The following NBAS variants were observed in gnomAD, a reference collection of about 807,000 sequenced individuals.
The protein encoded by NBAS is NAG/BC035112 fusion.
NBAS carries 219 observed loss-of-function variants against 302.5 expected under a neutral mutation model. The observed-to-expected ratio is 0.72, with a 90% confidence interval of 0.65 to 0.81. The LOEUF (loss-of-function observed/expected upper bound fraction) is 0.81. Among genes scored for constraint, NBAS ranks in the 30% least tolerant of loss-of-function variants. The probability of loss-of-function intolerance (pLI) is 0.00; values close to 1 mark genes in which losing one functional copy is unlikely to be tolerated. For synonymous variants in NBAS, 1,118 were observed against 1,021.6 expected, an observed-to-expected ratio of 1.09 and a Z score of -1.80; for missense variants, 2,932 against 2,841.6, an observed-to-expected ratio of 1.03 and a Z score of -0.72.
chr2:15,237,253 A>G (rs2147941138), intron 45 of NBAS, among the ~76,000 whole-genome samples: 1 of 152,252 alleles, frequency 6.6e-6, no homozygotes, highest in Admixed American at 6.5e-5. Flanking sequence ...ATAGAACAAA[A>G]TCTCTAAGGG....
At chr2:14,953,483 G>T in the NBAS span, among the ~76,000 whole-genome samples, 4 of 152,242 alleles carry the variant, frequency 2.6e-5, no homozygotes, top group Non-Finnish European at 2.9e-5. Context: ...AGTCACCCAA[G>T]GTGTCAACTG....
chr2:15,496,895 G>C (rs1258237996), intron 11 of NBAS, among the ~76,000 whole-genome samples: 2 of 152,120 alleles, frequency 1.3e-5, no homozygotes, highest in Non-Finnish European at 2.9e-5. Flanking sequence ...GAAAAATACA[G>C]AGTGCTCTAA....
At chr2:15,044,154 C>G in the NBAS span, among the ~76,000 whole-genome samples, 15 of 151,532 alleles carry the variant, frequency 9.9e-5, no homozygotes, top group Non-Finnish European at 2.2e-4. Flanking sequence ...CTTAAATATA[C>G]AATTTAGACA....
intron 35 of NBAS, among the ~76,000 whole-genome samples, chr2:15,341,529 T>C (rs1672852517): frequency 6.6e-6 from 1 of 152,122 alleles, no homozygotes; most frequent in African/African-American, 2.4e-5. Flanking sequence ...TGAATTTAAA[T>C]AGCAATTAAT....
chr2:15,348,598 C>T (rs1236721719), intron 35 of NBAS, among the ~76,000 whole-genome samples: 1 of 152,038 alleles, frequency 6.6e-6, no homozygotes, highest in African/African-American at 2.4e-5. Context: ...CATTGCAATT[C>T]CATGCTCAAC....
rs548101047 is a variant in NBAS at position 15,299,842 on chromosome 2, C to G, written c.4798-7076G>C. On this transcript the variant is annotated intron_variant, in intron 40 of 51. Transcript: ENST00000281513. ...TTATATAAGTATGTACAGCCATCAA[C>G]TATCTCTGGATGGATACAAATGGGA... Among the ~76,000 whole-genome samples the G allele has an allele frequency of 5.3e-5, 8 of 152,322 alleles. No homozygotes were observed. The South Asian group carries it at 1.7e-3, about 32-fold the overall frequency.
At chr2:15,218,604 A>G (rs182606333) in intron 48 of NBAS, among the ~76,000 whole-genome samples, 169 bp downstream of exon 48, 18 of 152,276 alleles carry the variant, frequency 1.2e-4, no homozygotes, top group Admixed American at 9.8e-4. Flanking sequence ...TAGATTTAGT[A>G]GAGATGGGGT....
At chr2:14,903,334 A>AAAAAG in the NBAS span, among the ~76,000 whole-genome samples, 15 of 149,916 alleles carry the variant, frequency 1.0e-4, no homozygotes, top group Admixed American at 2.6e-4. Flanking sequence ...TTGCAAAAAA[A>AAAAAG]AAAAAAAGAA....
At chr2:15,300,783 A>C (rs1670761671) in intron 40 of NBAS, among the ~76,000 whole-genome samples, 1 of 152,240 alleles carries the variant, frequency 6.6e-6, no homozygotes, top group Admixed American at 6.5e-5. Flanking sequence ...ACACACAAGG[A>C]ACAGACAGAG....
the NBAS span, among the ~76,000 whole-genome samples, chr2:14,785,725 T>C: frequency 1.3e-5 from 2 of 152,240 alleles, no homozygotes; most frequent in African/African-American, 4.8e-5. Context: ...AGTTTGCCAG[T>C]ATTTTATTGA....
At position 15,474,296 on chromosome 2, in the gene NBAS, G is replaced by C. The variant is rs763577277; in HGVS notation, c.1370C>G (p.Ser457Cys). 1.2e-6 allele frequency: 2 copies of C among 1,613,308 alleles called. No individual in the cohort carries two copies. Among genetic ancestry groups the C allele is most frequent in the South Asian group, 1.1e-5 (1 of 90,918 alleles). ...ECEIKLAPKR[S>C]RLETRAGEED... ...TTCTCCAGCTCTAGTCTCCAAACGA[G>C]ATCGTTTGGGGGCAAGTTTAATCTC... Residue 457 changes from serine to cysteine, a missense_variant, in exon 15 of 52, where the codon TCT becomes TGT. Coordinates refer to ENST00000281513, the MANE Select transcript of NBAS (RefSeq NM_015909.4).
chr2:15,463,788 CAAA>C (rs55808465), intron 19 of NBAS, among the ~76,000 whole-genome samples: 2 of 91,638 alleles, frequency 2.2e-5, no homozygotes, highest in African/African-American at 4.3e-5. Flanking sequence ...GAACCAAATG[CAAA>C]AAAAAAAAAA....
At chr2:14,911,223 G>A in the NBAS span, among the ~76,000 whole-genome samples, 1 of 152,196 alleles carries the variant, frequency 6.6e-6, no homozygotes, top group Non-Finnish European at 1.5e-5. Flanking sequence ...CAACAACTCT[G>A]AAGGAGCTGC....
chr2:15,462,735 G>A (rs768375342), intron 19 of NBAS, among the ~76,000 whole-genome samples: 9 of 152,104 alleles, frequency 5.9e-5, no homozygotes, highest in Non-Finnish European at 1.0e-4. Flanking sequence ...GAATACACAG[G>A]TCAGGAGTTC....
chr2:14,933,516 C>T, the NBAS span, among the ~76,000 whole-genome samples: 1 of 152,162 alleles, frequency 6.6e-6, no homozygotes, highest in Non-Finnish European at 1.5e-5. Flanking sequence ...ATTAATCTTC[C>T]ACTCTGTATG....
At chr2:14,789,838 G>A in the NBAS span, among the ~76,000 whole-genome samples, 1 of 152,278 alleles carries the variant, frequency 6.6e-6, no homozygotes, top group South Asian at 2.1e-4. Context: ...TGTATCTCCA[G>A]TACTGCTGTA....
rs754649283 is a variant in NBAS, at chr2:15,327,741, C to T, written c.4582+9G>A. The T allele has an allele frequency of 6.2e-7, 1 of 1,613,506 alleles. No individual in the cohort carries two copies. On this transcript the variant is annotated intron_variant, in intron 38 of 51. Coordinates refer to ENST00000281513, the MANE Select transcript of NBAS (RefSeq NM_015909.4). ...CACACTGTCAAGGGACTAGAACCTT[C>T]TCTCTTACCTTCAGTTGTTGGAAAT...
At chr2:15,169,242 C>A (rs1664178563) in intron 51 of NBAS, among the ~76,000 whole-genome samples, 1 of 152,130 alleles carries the variant, frequency 6.6e-6, no homozygotes, top group African/African-American at 2.4e-5. Flanking sequence ...CACCTTTGAC[C>A]CAAAACACTT....
At chr2:15,144,048 A>ATATATATATATATATATATATTATCCT in the NBAS span, among the ~76,000 whole-genome samples, 1 of 113,820 alleles carries the variant, frequency 8.8e-6, no homozygotes. Flanking sequence ...TATATATAAA[A>ATATATATATATATATATATATTATCCT]ATATATATAT....
Sources: allele counts gnomAD v4.1 joint callset (sites outside exome capture counted in the v4.1 genomes callset), GRCh38; gene constraint gnomAD v4.1.1; transcripts MANE v1.5; gene names NCBI Gene and HGNC (gene_info 2026-07-23, HGNC 2026-07-21).